NSUN7: variants seen among roughly 807,000 people sequenced by gnomAD.
The protein encoded by NSUN7 is protein NSUN7.
A neutral mutation model predicts 58.5 loss-of-function variants in NSUN7; 39 were observed. The ratio of observed to expected loss-of-function variants is 0.67; its 90% CI spans 0.52 to 0.87. NSUN7 has a LOEUF of 0.87. Ranked by LOEUF, NSUN7 falls within the 40% of genes least tolerant of loss-of-function variation. The pLI, the probability that NSUN7 is intolerant of heterozygous loss-of-function variation, is 0.00. For missense variants in NSUN7, 765 were observed against 844.1 expected (o/e 0.91, Z 1.16); for synonymous variants, 278 against 303.7 (o/e 0.92, Z 0.88).
At chr4:40,774,722 A>T in intron 5 of NSUN7, 45 bp from the exon 6 acceptor site, 1 of 1,211,950 alleles carries the variant, frequency 8.3e-7, no homozygotes, top group Non-Finnish European at 1.2e-6. Flanking sequence ...GGACGTTTTT[A>T]ATGTATTATA....
chr4:40,806,871 TA>T (rs1388702764), intron 10 of NSUN7, among the ~76,000 whole-genome samples, 189 bp from the exon 11 acceptor site: 1 of 152,222 alleles, frequency 6.6e-6, no homozygotes, highest in Non-Finnish European at 1.5e-5. Context: ...ATTATGAATA[TA>T]AAATATTAGA....
Position 40,750,871 on chromosome 4 carries a change from G to A in NSUN7, c.178G>A (p.Glu60Lys). 6.2e-7 allele frequency: 1 copy of A among 1,614,200 alleles called. No individual in the cohort carries two copies. Among genetic ancestry groups the A allele is most frequent in the Non-Finnish European group, 8.5e-7 (1 of 1,180,040 alleles). Residue 60 changes from glutamate to lysine, a missense_variant, in exon 2 of 12, where the codon GAA becomes AAA. Transcript: ENST00000381782. Reference sequence around the variant, plus strand: ...CAACATTTTTCAGGGTATTCGAATCGAAAAGTCGGCACAGAAAGTCTTAAT... The same window carrying A: ...CAACATTTTTCAGGGTATTCGAATCAAAAAGTCGGCACAGAAAGTCTTAAT... ...AANIFQGIRI[E>K]KSAQKVLIKY... is the part of the protein sequence containing the mutation.
intron 8 of NSUN7, among the ~76,000 whole-genome samples, chr4:40,793,154 A>G (rs954189780): frequency 1.3e-5 from 2 of 152,072 alleles, no homozygotes; most frequent in Admixed American, 6.5e-5. Flanking sequence ...AAAAATGTGA[A>G]ATGTAGGCCA....
Position 40,808,576 on chromosome 4 carries a change from G to A in NSUN7, c.1794G>A (p.Gly598=). The change falls in exon 12 of 12, where the codon GGG becomes GGA. Residue 598 remains glycine, a synonymous_variant. Transcript: ENST00000381782. ...CCCAGAAAAATACTGCTCAAGTGGG[G>A]GCTTCCTCACAGACCAGAAAACCCA... The part of the protein sequence containing the change: ...PLPQKNTAQV[G]ASSQTRKPNK... The A allele has an allele frequency of 6.4e-7, 1 of 1,551,614 alleles. No homozygotes were observed. Among genetic ancestry groups the A allele is most frequent in the South Asian group, 1.2e-5 (1 of 84,030 alleles).
intron 2 of NSUN7, among the ~76,000 whole-genome samples, chr4:40,759,899 G>A (rs540948274): frequency 3.3e-5 from 5 of 152,286 alleles, no homozygotes; most frequent in African/African-American, 1.2e-4. Context: ...AAATTAGCCA[G>A]GTGTGGTGGT....
In NSUN7 at chr4:40,750,905, G is replaced by A; in HGVS notation, c.212G>A (p.Gly71Glu). Residue 71 changes from glycine (G) to glutamate (E), a missense_variant, in exon 2 of 12, where the codon GGG becomes GAG. Transcript: ENST00000381782. ...GCACAGAAAGTCTTAATCAAGTATGGGAATGAACCCCTGCGGTCCTTGTCC... is the reference window on the plus strand; with the variant it reads ...GCACAGAAAGTCTTAATCAAGTATGAGAATGAACCCCTGCGGTCCTTGTCC... ...KSAQKVLIKY[G>E]NEPLRSLSES... 1.9e-6 allele frequency: 3 copies of A among 1,614,184 alleles called. No individual in the cohort carries two copies. The highest frequency in any genetic ancestry group is 1.7e-5 in the Admixed American group (1 of 60,026).
chr4:40,752,806 T>C (rs896989307), intron 2 of NSUN7, among the ~76,000 whole-genome samples: 2 of 152,290 alleles, frequency 1.3e-5, no homozygotes, highest in African/African-American at 4.8e-5. Context: ...TATATATTTT[T>C]GGTTGTCTGC....
rs191047701 is a variant in NSUN7 at position 40,753,235 on chromosome 4, T to G, written c.298+2244T>G. On this transcript the variant is annotated intron_variant, in intron 2 of 11. Coordinates refer to ENST00000381782, the MANE Select transcript of NSUN7 (RefSeq NM_024677.6). ...TAGATTATTATTTTTGTCCTCTCCC[T>G]CCTATTTTCTATTTTATGAAAGATC... Among the ~76,000 whole-genome samples, 10 of 152,082 alleles carry G rather than the reference T, an allele frequency of 6.6e-5. No individual in the cohort carries two copies. In the East Asian group the frequency reaches 1.9e-3, roughly 29 times the overall value.
intron 7 of NSUN7, chr4:40,786,693 G>A (rs1742839890): frequency 6.3e-7 from 1 of 1,577,042 alleles, no homozygotes; most frequent in Non-Finnish European, 8.6e-7. Context: ...AAATGTTGCG[G>A]CAACAGAAAA....
At chr4:40,801,173 T>G (rs2154289262) in intron 10 of NSUN7, among the ~76,000 whole-genome samples, 1 of 152,262 alleles carries the variant, frequency 6.6e-6, no homozygotes, top group East Asian at 1.9e-4. Flanking sequence ...TCCTGAGTTG[T>G]CCCTTTGTTG....
Position 40,810,653 on chromosome 4 carries a change from G to GTAT in NSUN7, c.*1716_*1718dup, listed in dbSNP as rs1236114847. Reference sequence around the variant, plus strand: ...TTTTTATAGTTGAACCAGGCTTATTGTATTTTAAATCCCTGAAGAAGAATT... The same window carrying GTAT: ...TTTTTATAGTTGAACCAGGCTTATTGTATTATTTTAAATCCCTGAAGAAGAATT... On this transcript the variant is annotated 3_prime_UTR_variant, in exon 12 of 12. Coordinates refer to ENST00000381782, the MANE Select transcript of NSUN7 (RefSeq NM_024677.6). The GTAT allele has an allele frequency of 3.3e-5, 5 of 149,350 alleles. No individual in the cohort carries two copies. The highest frequency in any genetic ancestry group is 1.2e-4 in the African/African-American group (5 of 40,642). 9.3% of individuals were successfully genotyped at this position (149,350 alleles called of 1,614,324 possible). A position where few individuals can be genotyped will look rare whatever the true frequency, so the allele number is the denominator to read the frequency against.
At chr4:40,805,613 G>A (rs905751576) in intron 10 of NSUN7, among the ~76,000 whole-genome samples, 1 of 152,076 alleles carries the variant, frequency 6.6e-6, no homozygotes, top group Non-Finnish European at 1.5e-5. Context: ...AGTTTCCTGG[G>A]CTGCTGAAAG....
chr4:40,755,250 C>T (rs559592527), intron 2 of NSUN7, among the ~76,000 whole-genome samples: 9 of 152,206 alleles, frequency 5.9e-5, no homozygotes, highest in African/African-American at 1.2e-4. Context: ...CCATCACGCC[C>T]GGCTAATTTT....
At chr4:40,772,391 G>A (rs1742055481) in intron 4 of NSUN7, among the ~76,000 whole-genome samples, 1 of 151,966 alleles carries the variant, frequency 6.6e-6, no homozygotes, top group African/African-American at 2.4e-5. Flanking sequence ...TTTATTTTTT[G>A]AGGTGCATTA....
chr4:40,763,455 T>C (rs1741555758), intron 4 of NSUN7, among the ~76,000 whole-genome samples: 1 of 152,270 alleles, frequency 6.6e-6, no homozygotes, highest in East Asian at 1.9e-4. Context: ...CTCGTGCTTC[T>C]CCTAGTTTCT....
In NSUN7 at chr4:40,809,193, G is replaced by C. The variant is rs532687520; in HGVS notation, c.*254G>C. On this transcript the variant is annotated 3_prime_UTR_variant, in exon 12 of 12. Coordinates refer to ENST00000381782, the MANE Select transcript of NSUN7 (RefSeq NM_024677.6). ...ATCCAGTTAGAGACTCAGTATCAGC[G>C]GTCAGAACTTATCTCACTCCTGTGA... 475 of 369,596 alleles carry C rather than the reference G, an allele frequency of 1.3e-3. 3 individuals are homozygous for C. Among genetic ancestry groups the C allele is most frequent in the African/African-American group, 9.2e-3 (441 of 47,902 alleles). 22.9% of individuals were successfully genotyped at this position (369,596 alleles called of 1,614,324 possible). A position where few individuals can be genotyped will look rare whatever the true frequency, so the allele number is the denominator to read the frequency against.
At chr4:40,780,310 A>C (rs1577565291) in intron 7 of NSUN7, among the ~76,000 whole-genome samples, 1 of 147,904 alleles carries the variant, frequency 6.8e-6, no homozygotes, top group East Asian at 1.9e-4. Flanking sequence ...ATCAATCAAT[A>C]AAGGAGAGAA....
At chr4:40,806,734 C>T (rs2154289587) in intron 10 of NSUN7, among the ~76,000 whole-genome samples, 1 of 152,222 alleles carries the variant, frequency 6.6e-6, no homozygotes, top group Admixed American at 6.5e-5. Context: ...ACATATTTAC[C>T]TGCTTTGATA....
chr4:40,809,235 T>A lies in NSUN7; in HGVS notation c.*296T>A, dbSNP rs1175953112. ...CTCCTGTGAACTTTCAGGCTGGACTTAAAGCTGCCAAGTTTCCCCTGCAGG... is the reference window on the plus strand; with the variant it reads ...CTCCTGTGAACTTTCAGGCTGGACTAAAAGCTGCCAAGTTTCCCCTGCAGG... On this transcript the variant is annotated 3_prime_UTR_variant, in exon 12 of 12. Coordinates refer to ENST00000381782, the MANE Select transcript of NSUN7 (RefSeq NM_024677.6). 1.6e-5 allele frequency: 4 copies of A among 253,908 alleles called. No individual in the cohort carries two copies. Among genetic ancestry groups the A allele is most frequent in the Admixed American group, 5.4e-5 (1 of 18,636 alleles). The allele number at this position is 253,908 out of a possible 1,614,324, so 15.7% of individuals were successfully genotyped here.
Sources: allele counts gnomAD v4.1 joint callset (sites outside exome capture counted in the v4.1 genomes callset), GRCh38; gene constraint gnomAD v4.1.1; transcripts MANE v1.5; gene names NCBI Gene and HGNC (gene_info 2026-07-23, HGNC 2026-07-21).